GABPB1: variants seen among roughly 807,000 people sequenced by gnomAD.
GABPB1 encodes the protein GA-binding protein subunit beta-1.
GABPB1 carries 15 observed loss-of-function variants against 45.9 expected under a neutral mutation model. The observed-to-expected ratio is 0.33, with a 90% confidence interval of 0.22 to 0.50. GABPB1 has a LOEUF of 0.50. Ranked by LOEUF, GABPB1 falls within the 20% of genes least tolerant of loss-of-function variation. The pLI is 0.98. For missense variants in GABPB1, 252 were observed against 457.5 expected, an observed-to-expected ratio of 0.55 and a Z score of 4.10; for synonymous variants, 143 against 154.4, an observed-to-expected ratio of 0.93 and a Z score of 0.55.
intron 1 of GABPB1, among the ~76,000 whole-genome samples, chr15:50,342,070 T>C (rs1033362704): frequency 6.6e-6 from 1 of 152,330 alleles, no homozygotes; most frequent in East Asian, 1.9e-4. Flanking sequence ...CTCCTTTATA[T>C]GTTATCCAGC....
At chr15:50,311,658 T>C (rs1407106663) in intron 1 of GABPB1, among the ~76,000 whole-genome samples, 2 of 151,824 alleles carry the variant, frequency 1.3e-5, no homozygotes, top group African/African-American at 4.8e-5. Context: ...GGAAACATTA[T>C]GGACCTAAGT....
chr15:50,333,465 C>G (rs1018463457), intron 1 of GABPB1, among the ~76,000 whole-genome samples: 1 of 152,144 alleles, frequency 6.6e-6, no homozygotes, highest in Non-Finnish European at 1.5e-5. Flanking sequence ...GATTGCACCA[C>G]ACTCCAGCCT....
chr15:50,343,475 G>A (rs1170792374), intron 1 of GABPB1, among the ~76,000 whole-genome samples: 2 of 152,084 alleles, frequency 1.3e-5, no homozygotes, highest in Non-Finnish European at 2.9e-5. Flanking sequence ...CTGCACTCTA[G>A]GACACCCAGG....
At chr15:50,336,867 G>T (rs929921741) in intron 1 of GABPB1, among the ~76,000 whole-genome samples, 14 of 149,496 alleles carry the variant, frequency 9.4e-5, no homozygotes, top group Non-Finnish European at 1.9e-4. Flanking sequence ...GATGAGGCAG[G>T]GGGATCTCTT....
At chr15:50,349,335 A>G (rs532078256) in intron 1 of GABPB1, 23 of 152,334 alleles carry the variant, frequency 1.5e-4, no homozygotes, top group African/African-American at 5.5e-4. Flanking sequence ...CTGTGATCCT[A>G]TAATTGCTAA....
intron 8 of GABPB1, among the ~76,000 whole-genome samples, chr15:50,284,544 G>A (rs1253654766): frequency 6.6e-6 from 1 of 151,910 alleles, no homozygotes; most frequent in African/African-American, 2.4e-5. Flanking sequence ...ATTTTCCCTG[G>A]TCTCTCAAAA....
chr15:50,342,320 ATC>A (rs1320071057), intron 1 of GABPB1, among the ~76,000 whole-genome samples: 2 of 142,326 alleles, frequency 1.4e-5, no homozygotes, highest in Non-Finnish European at 3.0e-5. Context: ...ACAAGGATTG[ATC>A]TCTTTTTTTT....
intron 8 of GABPB1, among the ~76,000 whole-genome samples, chr15:50,279,880 G>A (rs751865581): frequency 1.3e-4 from 20 of 152,170 alleles, no homozygotes; most frequent in Non-Finnish European, 2.1e-4. Context: ...GGCACAGTAT[G>A]AGATTCTCTT....
At chr15:50,331,264 C>A (rs897968486) in intron 1 of GABPB1, among the ~76,000 whole-genome samples, 2 of 152,156 alleles carry the variant, frequency 1.3e-5, no homozygotes, top group Non-Finnish European at 1.5e-5. Flanking sequence ...TGTGCTGGAC[C>A]TTAATGTAGA....
At chr15:50,338,008 A>T (rs977458502) in intron 1 of GABPB1, among the ~76,000 whole-genome samples, 1 of 152,176 alleles carries the variant, frequency 6.6e-6, no homozygotes, top group Non-Finnish European at 1.5e-5. Flanking sequence ...AAAAAAATTT[A>T]AACTCTAAAT....
intron 6 of GABPB1, among the ~76,000 whole-genome samples, chr15:50,299,597 C>G (rs1025232772): frequency 6.6e-6 from 1 of 152,066 alleles, no homozygotes; most frequent in African/African-American, 2.4e-5. Context: ...CGGGATTTCT[C>G]CATATTGGTC....
intron 1 of GABPB1, among the ~76,000 whole-genome samples, chr15:50,343,291 A>C (rs937605916): frequency 2.0e-5 from 3 of 151,720 alleles, no homozygotes; most frequent in African/African-American, 7.3e-5. Context: ...CTCATCTATC[A>C]ATCTCCCCAT....
intron 6 of GABPB1, 74 bp from the exon 7 acceptor site, chr15:50,289,742 C>A: frequency 8.6e-7 from 1 of 1,166,158 alleles, no homozygotes; most frequent in Non-Finnish European, 1.2e-6. Flanking sequence ...GCTTTGTCTG[C>A]TACTTTTGCT....
chr15:50,286,977 C>A (rs2046183567), intron 7 of GABPB1, among the ~76,000 whole-genome samples: 2 of 151,798 alleles, frequency 1.3e-5, no homozygotes, highest in African/African-American at 4.8e-5. Flanking sequence ...GAAAAACTCT[C>A]TTAGTGACAG....
At chr15:50,300,702 C>A in intron 6 of GABPB1, 87 bp downstream of exon 6, 1 of 807,466 alleles carries the variant, frequency 1.2e-6, no homozygotes, top group East Asian at 2.5e-5. Context: ...GCCTCGCCCT[C>A]CCAAAGTGCT....
chr15:50,292,857 T>C (rs1567486298), intron 6 of GABPB1, among the ~76,000 whole-genome samples: 1 of 151,806 alleles, frequency 6.6e-6, no homozygotes, highest in Non-Finnish European at 1.5e-5. Context: ...TGTGTGTGTG[T>C]GTGTGTGTGT....
At chr15:50,351,104 G>A (rs1366086816) in intron 1 of GABPB1, 1 of 152,186 alleles carries the variant, frequency 6.6e-6, no homozygotes, top group Non-Finnish European at 1.5e-5. Context: ...TTGGGCCTCT[G>A]TGTGGCTTTT....
At chr15:50,314,781 T>C (rs1040095130) in intron 1 of GABPB1, 1 of 152,258 alleles carries the variant, frequency 6.6e-6, no homozygotes, top group Non-Finnish European at 1.5e-5. Flanking sequence ...TCCACAGTGT[T>C]AATGTATTCC....
chr15:50,289,779 C>CTTTTTTT (rs140176493), intron 6 of GABPB1, 111 bp from the exon 7 acceptor site: 117,605 of 730,856 alleles, frequency 0.16, 6,352 homozygotes, highest in African/African-American at 0.29. Flanking sequence ...TTTCTTTTTT[C>CTTTTTTT]TTTTTTAAAT....
Sources: allele counts gnomAD v4.1 joint callset (sites outside exome capture counted in the v4.1 genomes callset), GRCh38; gene constraint gnomAD v4.1.1; transcripts MANE v1.5; gene names NCBI Gene and HGNC (gene_info 2026-07-23, HGNC 2026-07-21).